ACVR2A: variants seen among roughly 807,000 people sequenced by gnomAD.
The protein encoded by ACVR2A is activin receptor type-2A.
ACVR2A carries 7 observed loss-of-function variants against 61.4 expected under a neutral mutation model. The observed-to-expected ratio is 0.11, with a 90% CI of 0.06 to 0.21. The LOEUF (loss-of-function observed/expected upper bound fraction) is 0.21. ACVR2A is among the 10% of genes least tolerant of loss of function. The pLI is 1.00. For missense variants in ACVR2A, 322 were observed against 621.7 expected (o/e 0.52, Z 5.13); for synonymous variants, 193 against 208.3 (o/e 0.93, Z 0.63).
At chr2:147,907,021 C>A (rs11686483) in intron 4 of ACVR2A, among the ~76,000 whole-genome samples, 58,790 of 151,572 alleles carry the variant, frequency 0.39, 11,883 homozygotes, top group South Asian at 0.51. Context: ...CCCCAGTGTA[C>A]GTTGTTCACC....
chr2:147,918,677 C>T (rs917930294), intron 7 of ACVR2A, 85 bp downstream of exon 7: 1 of 1,218,768 alleles, frequency 8.2e-7, no homozygotes, highest in African/African-American at 1.6e-5. Flanking sequence ...TTAATTTTTC[C>T]TTTGTTATGC....
Position 147,917,437 on chromosome 2 carries a change from T to TTA in ACVR2A, c.816+12_816+13dup, listed in dbSNP as rs568072088. Reference sequence around the variant, plus strand: ...GCATTTCATGAAAAGGTAAAACTACTTAACGTTTTACTTTAGTAAAGTCTG... The same window carrying TTA: ...GCATTTCATGAAAAGGTAAAACTACTTATAACGTTTTACTTTAGTAAAGTCTG... On this transcript the variant is annotated intron_variant, in intron 6 of 10. Transcript: ENST00000241416. 1.2e-6 allele frequency: 2 copies of TTA among 1,610,214 alleles called. No individual in the cohort carries two copies. The highest frequency in any genetic ancestry group is 1.7e-6 in the Non-Finnish European group (2 of 1,177,992).
intron 3 of ACVR2A, 51 bp from the exon 4 acceptor site, chr2:147,899,693 A>G (rs1451756840): frequency 6.2e-7 from 1 of 1,600,818 alleles, no homozygotes; most frequent in Non-Finnish European, 8.5e-7. Context: ...GATATTTATT[A>G]TAGAATTTTG....
At chr2:147,878,753 T>TA (rs1362526010) in intron 1 of ACVR2A, among the ~76,000 whole-genome samples, 1 of 151,522 alleles carries the variant, frequency 6.6e-6, no homozygotes, top group Non-Finnish European at 1.5e-5. Flanking sequence ...TACAAAAAAA[T>TA]ACAAAAAAAA....
intron 1 of ACVR2A, among the ~76,000 whole-genome samples, chr2:147,881,109 C>T (rs1686287677): frequency 6.6e-6 from 1 of 152,158 alleles, no homozygotes; most frequent in South Asian, 2.1e-4. Context: ...AAGTTGAGAT[C>T]TGGAACATTT....
intron 9 of ACVR2A, 148 bp downstream of exon 9, chr2:147,923,259 C>A: frequency 1.2e-6 from 1 of 854,850 alleles, no homozygotes; most frequent in Non-Finnish European, 1.7e-6. Flanking sequence ...GGCAGGGGAG[C>A]AGTGGGTGGG....
intron 1 of ACVR2A, among the ~76,000 whole-genome samples, chr2:147,866,675 T>A (rs944879865): frequency 6.6e-6 from 1 of 152,162 alleles, no homozygotes; most frequent in Admixed American, 6.5e-5. Context: ...CTAGCGAGTG[T>A]TAACTTCATG....
chr2:147,905,557 T>G (rs1250834804), intron 4 of ACVR2A, among the ~76,000 whole-genome samples: 1 of 151,216 alleles, frequency 6.6e-6, no homozygotes, highest in Non-Finnish European at 1.5e-5. Flanking sequence ...AGCATTCTTT[T>G]GTGTGTGTGT....
chr2:147,899,413 TATA>T (rs1453554317), intron 2 of ACVR2A, 42 bp from the exon 3 acceptor site: 1 of 1,353,624 alleles, frequency 7.4e-7, no homozygotes, highest in Non-Finnish European at 1.0e-6. Flanking sequence ...GTAGGGTCAG[TATA>T]ATAATATTGA....
chr2:147,909,962 C>T (rs953647469), intron 4 of ACVR2A, among the ~76,000 whole-genome samples: 8 of 152,130 alleles, frequency 5.3e-5, no homozygotes, highest in South Asian at 2.1e-4. Context: ...TTTGCTTTAC[C>T]GCTCTTATTT....
At chr2:147,844,989 ACC>A, upstream of ACVR2A, 3 of 216,162 alleles carry the variant, frequency 1.4e-5, no homozygotes, top group East Asian at 6.8e-5. Flanking sequence ...TTTTTTTTTA[ACC>A]CAGTGAGCGT....
At chr2:147,892,579 G>A (rs1042000416) in intron 1 of ACVR2A, among the ~76,000 whole-genome samples, 4 of 151,098 alleles carry the variant, frequency 2.6e-5, no homozygotes, top group Non-Finnish European at 5.9e-5. Context: ...ATTTAAAATA[G>A]CAATAATAAT....
At chr2:147,878,798 A>G (rs1206321803) in intron 1 of ACVR2A, among the ~76,000 whole-genome samples, 1 of 152,028 alleles carries the variant, frequency 6.6e-6, no homozygotes, top group African/African-American at 2.4e-5. Context: ...AGTCCCAGCT[A>G]TTTGGGAGGC....
chr2:147,905,192 C>T (rs929075427), intron 4 of ACVR2A, among the ~76,000 whole-genome samples: 6 of 151,882 alleles, frequency 4.0e-5, no homozygotes, highest in African/African-American at 1.4e-4. Context: ...TTTCTTTAGC[C>T]TTATTTTTTT....
chr2:147,862,417 A>G (rs532559103), intron 1 of ACVR2A, among the ~76,000 whole-genome samples: 1 of 152,176 alleles, frequency 6.6e-6, no homozygotes, highest in South Asian at 2.1e-4. Context: ...GCTTTTCTCA[A>G]TCACTTTTGC....
At chr2:147,867,368 A>G (rs1685888725) in intron 1 of ACVR2A, among the ~76,000 whole-genome samples, 1 of 152,204 alleles carries the variant, frequency 6.6e-6, no homozygotes, top group Non-Finnish European at 1.5e-5. Flanking sequence ...GGGGAAAATT[A>G]AAATTGAAAC....
intron 1 of ACVR2A, among the ~76,000 whole-genome samples, chr2:147,887,280 A>C (rs1055573383): frequency 6.6e-6 from 1 of 152,144 alleles, no homozygotes; most frequent in Non-Finnish European, 1.5e-5. Flanking sequence ...TAGATGGAAC[A>C]GTTTGGGAAA....
At chr2:147,909,990 A>G (rs1382356146) in intron 4 of ACVR2A, among the ~76,000 whole-genome samples, 2 of 152,190 alleles carry the variant, frequency 1.3e-5, no homozygotes, top group African/African-American at 4.8e-5. Context: ...TAGTTTATAC[A>G]TTGAGGACTG....
At chr2:147,868,673 C>T (rs1358756805) in intron 1 of ACVR2A, among the ~76,000 whole-genome samples, 10 of 151,510 alleles carry the variant, frequency 6.6e-5, no homozygotes, top group Admixed American at 6.6e-4. Flanking sequence ...CTTCTGTAGC[C>T]CAGGCTGGAG....
Sources: allele counts gnomAD v4.1 joint callset (sites outside exome capture counted in the v4.1 genomes callset), GRCh38; gene constraint gnomAD v4.1.1; transcripts MANE v1.5; gene names NCBI Gene and HGNC (gene_info 2026-07-23, HGNC 2026-07-21).